The following NTSR1 variants were observed in gnomAD, a reference collection of about 807,000 sequenced individuals.
The protein encoded by NTSR1 is neurotensin receptor type 1.
In NTSR1, 29 loss-of-function variants were observed where a neutral mutation model predicts 31.2. The ratio of observed to expected loss-of-function variants is 0.93; its 90% CI spans 0.69 to 1.27. The LOEUF is 1.27. Ranked by LOEUF, NTSR1 falls within the 50% of genes most tolerant of loss-of-function variation. The probability of loss-of-function intolerance (pLI) is 0.00; values close to 1 mark genes in which losing one functional copy is unlikely to be tolerated. For synonymous variants in NTSR1, 282 were observed against 269.9 expected, an observed-to-expected ratio of 1.04 and a Z score of -0.44; for missense variants, 697 against 595.4, an observed-to-expected ratio of 1.17 and a Z score of -1.78.
chr20:62,710,595 G>A (rs559187051), intron 1 of NTSR1, among the ~76,000 whole-genome samples: 64 of 152,250 alleles, frequency 4.2e-4, no homozygotes, highest in Non-Finnish European at 7.8e-4. Flanking sequence ...TGCGTGTGGC[G>A]GCGGTGTTGT....
intron 1 of NTSR1, among the ~76,000 whole-genome samples, chr20:62,726,830 G>A (rs1032909505): frequency 6.6e-6 from 1 of 152,162 alleles, no homozygotes; most frequent in Non-Finnish European, 1.5e-5. Flanking sequence ...CGCGTTAGTG[G>A]AGAAGGCTAC....
intron 1 of NTSR1, among the ~76,000 whole-genome samples, chr20:62,712,655 G>A (rs138940153): frequency 6.6e-6 from 1 of 152,318 alleles, no homozygotes; most frequent in Non-Finnish European, 1.5e-5. Context: ...GTGCCAGCAG[G>A]GTGACTGGGA....
Position 62,749,135 on chromosome 20 carries a change from C to T in NTSR1, c.715-5550C>T, listed in dbSNP as rs575258301. 3.3e-5 allele frequency among the ~76,000 whole-genome samples: 5 copies of T among 152,296 alleles called. No individual in the cohort carries two copies. In the South Asian group the frequency reaches 1.0e-3, roughly 32 times the overall value. On this transcript the variant is annotated intron_variant, in intron 1 of 3. Coordinates refer to ENST00000370501, the MANE Select transcript of NTSR1 (RefSeq NM_002531.3). ...AAACAGTGATGGGAAAACTGGATATCCCCATGCAAGAGAATGAAATTGTAG... is the reference window on the plus strand; with the variant it reads ...AAACAGTGATGGGAAAACTGGATATTCCCATGCAAGAGAATGAAATTGTAG...
rs1307791683 is a variant in NTSR1 at position 62,760,611 on chromosome 20, A to G, written c.*344A>G. ...TTCTCAGACTAATGGATGGTTCCAGAGAAGGAAATGAAAGGTGCTGGGTGG... is the reference window on the plus strand; with the variant it reads ...TTCTCAGACTAATGGATGGTTCCAGGGAAGGAAATGAAAGGTGCTGGGTGG... On this transcript the variant is annotated 3_prime_UTR_variant, in exon 4 of 4. Transcript: ENST00000370501. The G allele has an allele frequency of 2.1e-5, 5 of 232,584 alleles. No homozygotes were observed. The highest frequency in any genetic ancestry group is 8.5e-6 in the Non-Finnish European group (1 of 117,922). The allele number at this position is 232,584 out of a possible 1,614,324, so 14.4% of individuals were successfully genotyped here.
intron 1 of NTSR1, among the ~76,000 whole-genome samples, chr20:62,726,598 G>A (rs1017060563): frequency 1.3e-5 from 2 of 152,226 alleles, no homozygotes; most frequent in Admixed American, 6.5e-5. Flanking sequence ...GGGAGGCTGA[G>A]GCAGGAGAAT....
chr20:62,718,834 TATG>T (rs1818882042), intron 1 of NTSR1, among the ~76,000 whole-genome samples: 3 of 152,354 alleles, frequency 2.0e-5, no homozygotes, highest in Admixed American at 1.3e-4. Context: ...AATATTCACA[TATG>T]ATGAATTTTG....
Position 62,722,165 on chromosome 20 carries a change from A to G in NTSR1, c.714+12244A>G, listed in dbSNP as rs113836458. Among the ~76,000 whole-genome samples, 473 of 152,222 alleles carry G rather than the reference A, an allele frequency of 3.1e-3. 5 individuals carry two copies. Among genetic ancestry groups the G allele is most frequent in the African/African-American group, 0.011 (446 of 41,526 alleles). On this transcript the variant is annotated intron_variant, in intron 1 of 3. Coordinates refer to ENST00000370501, the MANE Select transcript of NTSR1 (RefSeq NM_002531.3). ...ATTTTAGCAGGCAGTTCAGTGGCAG[A>G]CTCGTCATCTTGAACTTGGGTCGGC...
chr20:62,753,046 G>A (rs1032502572), intron 1 of NTSR1, among the ~76,000 whole-genome samples: 1 of 152,236 alleles, frequency 6.6e-6, no homozygotes, highest in Admixed American at 6.5e-5. Context: ...GCAGGATGCT[G>A]CCTCCCGGGG....
intron 1 of NTSR1, among the ~76,000 whole-genome samples, chr20:62,717,381 T>C (rs1600719161): frequency 1.3e-5 from 2 of 152,104 alleles, no homozygotes; most frequent in South Asian, 2.1e-4. Context: ...TTCCCGAGAA[T>C]AGGTGGTTTT....
At chr20:62,752,485 T>C (rs1989410656) in intron 1 of NTSR1, among the ~76,000 whole-genome samples, 2 of 152,128 alleles carry the variant, frequency 1.3e-5, no homozygotes. Flanking sequence ...AGACTTCCTC[T>C]GCAAGGCCCC....
chr20:62,733,525 G>A lies in NTSR1; in HGVS notation c.715-21160G>A, dbSNP rs748736957. The stretch of plus-strand genomic sequence containing the variant: ...AGAAAGTTCTGGAAAGCTCGGCTGT[G>A]GCTGACTCCTGGCTTAGGGCTCAGG... On this transcript the variant is annotated intron_variant, in intron 1 of 3. Coordinates refer to ENST00000370501, the MANE Select transcript of NTSR1 (RefSeq NM_002531.3). The surrounding 1 kb of genome is among the most constrained non-coding windows in gnomAD (Gnocchi z 5.2). Among the ~76,000 whole-genome samples the A allele has an allele frequency of 6.6e-6, 1 of 152,178 alleles. No homozygotes were observed. Among genetic ancestry groups the A allele is most frequent in the Non-Finnish European group, 1.5e-5 (1 of 68,026 alleles).
At chr20:62,752,132 C>T (rs1989403232) in intron 1 of NTSR1, among the ~76,000 whole-genome samples, 1 of 152,204 alleles carries the variant, frequency 6.6e-6, no homozygotes, top group Admixed American at 6.5e-5. Context: ...GATGCACAGA[C>T]GTGATCTCAA....
At chr20:62,735,783 G>A (rs1254282951) in intron 1 of NTSR1, among the ~76,000 whole-genome samples, 2 of 152,212 alleles carry the variant, frequency 1.3e-5, no homozygotes, top group East Asian at 3.9e-4. Flanking sequence ...CACTGCGACC[G>A]GGGACCAGGG....
intron 1 of NTSR1, among the ~76,000 whole-genome samples, chr20:62,728,146 T>C (rs947825771): frequency 5.3e-5 from 8 of 152,168 alleles, no homozygotes; most frequent in Non-Finnish European, 1.0e-4. Flanking sequence ...AGGGAGGGCT[T>C]CCTGGAGGAG....
chr20:62,735,671 C>T (rs1232174343), intron 1 of NTSR1, among the ~76,000 whole-genome samples: 1 of 152,226 alleles, frequency 6.6e-6, no homozygotes, highest in Non-Finnish European at 1.5e-5. Flanking sequence ...CCCCTGGAGG[C>T]CGCTCCCTGG....
chr20:62,747,755 A>G (rs145774596), intron 1 of NTSR1, among the ~76,000 whole-genome samples: 2,719 of 146,262 alleles, frequency 0.019, 80 homozygotes, highest in African/African-American at 0.067. Context: ...AGACTCCACA[A>G]AAACAAAAAC....
At chr20:62,719,540 A>G (rs567404625) in intron 1 of NTSR1, among the ~76,000 whole-genome samples, 18 of 62,766 alleles carry the variant, frequency 2.9e-4, no homozygotes, top group Non-Finnish European at 7.3e-4. Context: ...AGCTCTTTTC[A>G]TCTTTCCAAA....
rs1989637743 is a variant in NTSR1 at position 62,762,223 on chromosome 20, C to T, written c.*1956C>T. ...CAGCCTCAGACCCTTCTCTGGGGCTCCTGGACCTTGGGCCATAATTTCTGA... is the reference window on the plus strand; with the variant it reads ...CAGCCTCAGACCCTTCTCTGGGGCTTCTGGACCTTGGGCCATAATTTCTGA... On this transcript the variant is annotated 3_prime_UTR_variant, in exon 4 of 4. Coordinates refer to ENST00000370501, the MANE Select transcript of NTSR1 (RefSeq NM_002531.3). The T allele has an allele frequency of 6.6e-6, 1 of 152,384 alleles. No individual in the cohort carries two copies. Among genetic ancestry groups the T allele is most frequent in the Non-Finnish European group, 1.5e-5 (1 of 68,074 alleles). The allele number at this position is 152,384 out of a possible 1,614,324, so 9.4% of individuals were successfully genotyped here.
At chr20:62,726,727 C>A (rs930838667) in intron 1 of NTSR1, among the ~76,000 whole-genome samples, 9 of 151,678 alleles carry the variant, frequency 5.9e-5, no homozygotes, top group Admixed American at 1.3e-4. Context: ...AATGGCTTCA[C>A]AACTGTGGAG....
Sources: gnomAD v4.1 joint callset for allele counts (sites outside exome capture counted in the v4.1 genomes callset) on GRCh38, gnomAD v4.1.1 for gene constraint, Gnocchi (gnomAD v3.1) non-coding constraint, MANE v1.5 for transcripts, NCBI Gene and HGNC (gene_info 2026-07-23, HGNC 2026-07-21) for gene names.